Variants in CUEDC1 observed in about 807,000 individuals in gnomAD.
CUEDC1 encodes the protein CUE domain-containing protein 1.
CUEDC1 carries 30 observed loss-of-function variants against 43.7 expected under a neutral mutation model. That is an observed-to-expected ratio of 0.69 (90% CI 0.51 to 0.93). The LOEUF is 0.93. Ranked by LOEUF, CUEDC1 falls within the 40% of genes least tolerant of loss-of-function variation. CUEDC1 has a pLI of 0.00. For missense variants in CUEDC1, 486 were observed against 549.0 expected (o/e 0.89, Z 1.15); for synonymous variants, 223 against 223.6 (o/e 1.00, Z 0.02).
At chr17:57,893,076 T>C (rs1188897029) in intron 1 of CUEDC1, among the ~76,000 whole-genome samples, 1 of 152,234 alleles carries the variant, frequency 6.6e-6, no homozygotes, top group Non-Finnish European at 1.5e-5. Context: ...CTCTGTCTCA[T>C]TGGGAATCCA....
intron 1 of CUEDC1, among the ~76,000 whole-genome samples, chr17:57,952,584 C>T (rs2075017732): frequency 6.6e-6 from 1 of 152,164 alleles, no homozygotes; most frequent in African/African-American, 2.4e-5. Context: ...AACACAGAAG[C>T]ACCACCTCCT....
Position 57,866,334 on chromosome 17 carries a change from T to C in CUEDC1, c.*3+140A>G, listed in dbSNP as rs545394852. The stretch of plus-strand genomic sequence containing the variant: ...CACGCCCGTGTCCCTGCCGCAACTA[T>C]GAGGGAAGACACGTGGGGCCTGTGC... On this transcript the variant is annotated intron_variant, in intron 10 of 10. Coordinates refer to ENST00000577830, the MANE Select transcript of CUEDC1 (RefSeq NM_001271875.2). The C allele has an allele frequency of 2.2e-4, 145 of 664,924 alleles. 1 individual carries two copies. In the East Asian group the frequency reaches 3.7e-3, roughly 17 times the overall value. 41.2% of individuals were successfully genotyped at this position (664,924 alleles called of 1,614,324 possible). A position where few individuals can be genotyped will look rare whatever the true frequency, so the allele number is the denominator to read the frequency against.
At chr17:57,912,905 C>T (rs116665346) in intron 1 of CUEDC1, among the ~76,000 whole-genome samples, 2,041 of 152,218 alleles carry the variant, frequency 0.013, 62 homozygotes, top group African/African-American at 0.047. Context: ...TGCAGTGGTG[C>T]GGTCATAGCT....
chr17:57,865,105 G>C (rs2073938104), intron 10 of CUEDC1, among the ~76,000 whole-genome samples: 1 of 152,176 alleles, frequency 6.6e-6, no homozygotes, highest in South Asian at 2.1e-4. Context: ...GCAAGTTTCT[G>C]ATGTAGGGGT....
At chr17:57,903,300 C>G (rs550282902) in intron 1 of CUEDC1, 1 of 152,268 alleles carries the variant, frequency 6.6e-6, no homozygotes, top group Non-Finnish European at 1.5e-5. Context: ...CTGTCCTGGT[C>G]TGGGTTCTCC....
At chr17:57,870,070 A>G (rs1244907262) in intron 6 of CUEDC1, 1 of 152,466 alleles carries the variant, frequency 6.6e-6, no homozygotes, top group African/African-American at 2.4e-5. Flanking sequence ...TCTCCCTTCA[A>G]GCTGGGATCA....
chr17:57,890,187 G>C (rs1019619870), intron 1 of CUEDC1, among the ~76,000 whole-genome samples: 2 of 152,176 alleles, frequency 1.3e-5, no homozygotes, highest in African/African-American at 4.8e-5. Context: ...CACTTCCTAA[G>C]AGGCAAAAAA....
chr17:57,929,459 T>C (rs796717549), intron 1 of CUEDC1, among the ~76,000 whole-genome samples: 8 of 152,254 alleles, frequency 5.3e-5, no homozygotes, highest in African/African-American at 1.9e-4. Context: ...TGTGGGTCCT[T>C]ACCAAATAAG....
In CUEDC1 at chr17:57,872,751, C is replaced by T; in HGVS notation, c.696G>A (p.Glu232=). ...DQESRWKQYL[E]DERIALFLQN... is the part of the protein sequence containing the mutation. ...GCAGGAAAAGCGCGATCCTCTCGTC[C>T]TCCAGGTACTGCTTCCAGCGGCTCT... The change falls in exon 5 of 11, where the codon GAG becomes GAA. Residue 232 remains glutamate, a synonymous_variant. Transcript: ENST00000577830. 6.2e-7 allele frequency: 1 copy of T among 1,614,244 alleles called. No individual in the cohort carries two copies. Among genetic ancestry groups the T allele is most frequent in the Non-Finnish European group, 8.5e-7 (1 of 1,180,044 alleles).
intron 1 of CUEDC1, among the ~76,000 whole-genome samples, chr17:57,893,351 G>GTA (rs1442945089): frequency 4.7e-5 from 7 of 149,796 alleles, no homozygotes; most frequent in Admixed American, 4.7e-4. Flanking sequence ...CTCAGGGTAT[G>GTA]TGTGTGTGTG....
chr17:57,937,268 G>T (rs1348840531), intron 1 of CUEDC1, among the ~76,000 whole-genome samples: 1 of 152,078 alleles, frequency 6.6e-6, no homozygotes, highest in Non-Finnish European at 1.5e-5. Flanking sequence ...AGGTACTATG[G>T]ATATCCTCAT....
intron 1 of CUEDC1, among the ~76,000 whole-genome samples, chr17:57,932,113 A>C (rs771769951): frequency 6.7e-5 from 10 of 150,238 alleles, no homozygotes; most frequent in Non-Finnish European, 1.2e-4. Flanking sequence ...CTCCACTAAA[A>C]ACACACACAC....
rs1363985660 is a variant in CUEDC1, at chr17:57,879,104, C to T, written c.464+507G>A. On this transcript the variant is annotated intron_variant, in intron 3 of 10. Transcript: ENST00000577830. ...CTTGCTCTCATTGCTTAAAAATCCT[C>T]ACAATATCCCTAGCCCAAGGATGGC... is the stretch of plus-strand genomic sequence containing the variant. Among the ~76,000 whole-genome samples, 13 of 152,214 alleles carry T rather than the reference C, an allele frequency of 8.5e-5. 1 individual carries two copies. Among genetic ancestry groups the T allele is most frequent in the Non-Finnish European group, 1.5e-5 (1 of 68,040 alleles).
In CUEDC1 at chr17:57,885,399, T is replaced by C; in HGVS notation, c.166A>G (p.Thr56Ala). The C allele has an allele frequency of 4.3e-6, 7 of 1,610,334 alleles. No homozygotes were observed. Among genetic ancestry groups the C allele is most frequent in the Non-Finnish European group, 5.9e-6 (7 of 1,179,086 alleles). Residue 56 changes from threonine to alanine, a missense_variant, in exon 2 of 11, where the codon ACC (threonine) becomes GCC (alanine). Physicochemically the swap from Thr to Ala is moderately conservative, Grantham distance 58. Transcript: ENST00000577830. ...TCGTAATCCATGTTGGGGAACATGG[T>C]CTTGAAGTCGTCCATGGCCTGGTTG... The part of the protein sequence containing the change: ...EFNQAMDDFK[T>A]MFPNMDYDII...
intron 1 of CUEDC1, among the ~76,000 whole-genome samples, chr17:57,900,765 C>T (rs1282749477): frequency 6.6e-6 from 1 of 152,220 alleles, no homozygotes; most frequent in African/African-American, 2.4e-5. Flanking sequence ...ACTTGCAATG[C>T]ATTTTAAAGC....
At chr17:57,949,669 C>T (rs1471948899) in intron 1 of CUEDC1, among the ~76,000 whole-genome samples, 1 of 149,028 alleles carries the variant, frequency 6.7e-6, no homozygotes, top group Non-Finnish European at 1.5e-5. Flanking sequence ...GCCTCCCAGG[C>T]TCAAGCGATC....
chr17:57,882,828 T>C (rs1479204993), intron 2 of CUEDC1, among the ~76,000 whole-genome samples: 1 of 152,228 alleles, frequency 6.6e-6, no homozygotes, highest in Non-Finnish European at 1.5e-5. Flanking sequence ...AGGAATACAG[T>C]ATATGATACA....
At chr17:57,868,420 C>T (rs2073990910) in intron 7 of CUEDC1, 177 bp from the exon 8 acceptor site, 1 of 622,240 alleles carries the variant, frequency 1.6e-6, no homozygotes, top group South Asian at 1.8e-5. Flanking sequence ...CCTGAGGACG[C>T]CACCCCAGGA....
At chr17:57,881,212 G>A (rs553376186) in intron 2 of CUEDC1, among the ~76,000 whole-genome samples, 1 of 152,204 alleles carries the variant, frequency 6.6e-6, no homozygotes, top group Non-Finnish European at 1.5e-5. Context: ...ACATGCACAC[G>A]TGCACTCTGC....
Sources: gnomAD v4.1 joint callset for allele counts (sites outside exome capture counted in the v4.1 genomes callset) on GRCh38, gnomAD v4.1.1 for gene constraint, MANE v1.5 for transcripts, NCBI Gene and HGNC (gene_info 2026-07-23, HGNC 2026-07-21) for gene names.